The following GAREM1 variants were observed in gnomAD, a reference collection of about 807,000 sequenced individuals.
GAREM1 encodes GRB2-associated and regulator of MAPK protein 1.
In GAREM1, 26 loss-of-function variants were observed where a neutral mutation model predicts 71.3. The observed-to-expected ratio is 0.36, with a 90% CI of 0.27 to 0.51. GAREM1 has a LOEUF of 0.51. Ranked by LOEUF, GAREM1 falls within the 20% of genes least tolerant of loss-of-function variation. GAREM1 has a pLI of 0.95. For synonymous variants in GAREM1, 440 were observed against 433.2 expected (o/e 1.02, Z -0.20); for missense variants, 1,026 against 1,103.1 (o/e 0.93, Z 0.99).
chr18:32,449,461 T>C (rs1270053410), intron 1 of GAREM1, among the ~76,000 whole-genome samples: 1 of 152,114 alleles, frequency 6.6e-6, no homozygotes, highest in Non-Finnish European at 1.5e-5. Flanking sequence ...CCGAGGCAAG[T>C]GGATCGCTTG....
chr18:32,421,582 C>T (rs1599036114), intron 1 of GAREM1, among the ~76,000 whole-genome samples: 1 of 152,118 alleles, frequency 6.6e-6, no homozygotes, highest in Non-Finnish European at 1.5e-5. Context: ...CCAGCCACAG[C>T]AGTAACACTG....
chr18:32,302,216 C>T (rs1161017089), intron 3 of GAREM1, among the ~76,000 whole-genome samples: 1 of 152,120 alleles, frequency 6.6e-6, no homozygotes, highest in Admixed American at 6.5e-5. Flanking sequence ...CATTTTGTGG[C>T]TTCATATGAA....
intron 4 of GAREM1, among the ~76,000 whole-genome samples, chr18:32,283,545 C>CAA: frequency 1.4e-5 from 2 of 146,012 alleles, no homozygotes; most frequent in Middle Eastern, 3.4e-3. Context: ...GACTCTGTCT[C>CAA]AAAAAAAACA....
intron 1 of GAREM1, among the ~76,000 whole-genome samples, chr18:32,465,866 C>T (rs1201065786): frequency 1.3e-5 from 2 of 152,182 alleles, no homozygotes; most frequent in African/African-American, 2.4e-5. Context: ...AGGAACCTGT[C>T]GTTCACCATC....
At chr18:32,407,567 G>T (rs932090004) in intron 1 of GAREM1, among the ~76,000 whole-genome samples, 1 of 151,948 alleles carries the variant, frequency 6.6e-6, no homozygotes, top group African/African-American at 2.4e-5. Context: ...TCTTCTACTT[G>T]CCTAATAGCC....
intron 1 of GAREM1, among the ~76,000 whole-genome samples, chr18:32,438,351 ACACTTTCCTCACCTTGGCCATCTG>A (rs2048700675): frequency 6.6e-6 from 1 of 152,112 alleles, no homozygotes; most frequent in Admixed American, 6.5e-5. Flanking sequence ...CTAAGCCCTC[ACACTTTCCTCACCTTGGCCATCTG>A]CCTGGCTTGC....
In GAREM1 at chr18:32,266,503, T is replaced by C. The variant is rs1250238590; in HGVS notation, c.*1368A>G. ...TGAGAACTAATACAGTCTTAAGATG[T>C]ATATTCTCTAAAAAAGTCAAGAATA... On this transcript the variant is annotated 3_prime_UTR_variant, in exon 6 of 6. Coordinates refer to ENST00000269209, the MANE Select transcript of GAREM1 (RefSeq NM_001242409.2). 6.6e-6 allele frequency: 1 copy of C among 152,202 alleles called. No homozygotes were observed. The highest frequency in any genetic ancestry group is 1.9e-4 in the East Asian group (1 of 5,204). 9.4% of individuals were successfully genotyped at this position (152,202 alleles called of 1,614,324 possible). A position where few individuals can be genotyped will look rare whatever the true frequency, so the allele number is the denominator to read the frequency against.
At chr18:32,426,058 G>A (rs1481591123) in intron 1 of GAREM1, among the ~76,000 whole-genome samples, 5 of 151,872 alleles carry the variant, frequency 3.3e-5, no homozygotes, top group African/African-American at 4.8e-5. Context: ...TTGATCTGTC[G>A]CCCAGGCTGG....
chr18:32,358,734 C>CA (rs2047831723), intron 2 of GAREM1, among the ~76,000 whole-genome samples: 1 of 152,070 alleles, frequency 6.6e-6, no homozygotes, highest in African/African-American at 2.4e-5. Context: ...GTGGCCTTAT[C>CA]AATATGTGAG....
chr18:32,458,780 C>CA (rs1318772588), intron 1 of GAREM1, among the ~76,000 whole-genome samples: 5 of 151,250 alleles, frequency 3.3e-5, no homozygotes, highest in Non-Finnish European at 7.4e-5. Context: ...AAAGGCAAAA[C>CA]AAAAAAAAGA....
intron 3 of GAREM1, among the ~76,000 whole-genome samples, chr18:32,307,272 G>A (rs2047265249): frequency 6.6e-6 from 1 of 152,102 alleles, no homozygotes; most frequent in South Asian, 2.1e-4. Context: ...TTAACTGCAA[G>A]TGCTTTTCTC....
chr18:32,298,328 G>A (rs1368359309), intron 3 of GAREM1, among the ~76,000 whole-genome samples: 3 of 152,012 alleles, frequency 2.0e-5, no homozygotes, highest in Admixed American at 2.0e-4. Context: ...ATAAATAAAT[G>A]CTCTTTCTTT....
rs926687058 is a variant in GAREM1 at position 32,343,384 on chromosome 18, A to G, written c.263-33061T>C. On this transcript the variant is annotated intron_variant, in intron 2 of 5. Coordinates refer to ENST00000269209, the MANE Select transcript of GAREM1 (RefSeq NM_001242409.2). ...GGTTGGGGTGCAGTGGCGCGATCTC[A>G]GCTCACTGCAACCTATACCTCCTGG... Among the ~76,000 whole-genome samples the G allele has an allele frequency of 8.7e-4, 123 of 141,368 alleles. 1 individual carries two copies. Among genetic ancestry groups the G allele is most frequent in the African/African-American group, 3.1e-3 (116 of 37,000 alleles). The allele number at this position is 141,368 out of a possible 152,430, so 92.7% of individuals were successfully genotyped here.
intron 4 of GAREM1, among the ~76,000 whole-genome samples, chr18:32,279,088 T>C (rs76879126): frequency 0.018 from 2,690 of 152,188 alleles, 43 homozygotes; most frequent in Non-Finnish European, 0.025. Context: ...CATTGAGGAG[T>C]AGAATAAAGA....
intron 1 of GAREM1, among the ~76,000 whole-genome samples, chr18:32,434,937 G>C (rs1448584030): frequency 6.6e-6 from 1 of 152,034 alleles, no homozygotes. Context: ...AACCGATAAG[G>C]AAAGTTAACA....
chr18:32,431,583 A>C (rs1393773280), intron 1 of GAREM1, among the ~76,000 whole-genome samples: 1 of 152,136 alleles, frequency 6.6e-6, no homozygotes. Context: ...AGCCGAGATC[A>C]CGCCACTGCA....
At chr18:32,372,331 A>T (rs1457841877) in intron 2 of GAREM1, among the ~76,000 whole-genome samples, 2 of 152,190 alleles carry the variant, frequency 1.3e-5, no homozygotes, top group South Asian at 2.1e-4. Flanking sequence ...TTCTCTTCTA[A>T]ATCAAAACCC....
intron 1 of GAREM1, among the ~76,000 whole-genome samples, chr18:32,450,976 A>C (rs2048832204): frequency 6.6e-6 from 1 of 150,924 alleles, no homozygotes; most frequent in Non-Finnish European, 1.5e-5. Context: ...AGGAAACCTC[A>C]TTTCTATTAA....
At chr18:32,364,009 T>TATATATAC (rs1555638732) in intron 2 of GAREM1, among the ~76,000 whole-genome samples, 1 of 50,590 alleles carries the variant, frequency 2.0e-5, no homozygotes, top group Non-Finnish European at 3.6e-5. Context: ...TATATATATA[T>TATATATAC]ATATATATAT....
Sources: allele counts gnomAD v4.1 joint callset (sites outside exome capture counted in the v4.1 genomes callset), GRCh38; gene constraint gnomAD v4.1.1; transcripts MANE v1.5; gene names NCBI Gene and HGNC (gene_info 2026-07-23, HGNC 2026-07-21).